The following GSG1 variants were observed in gnomAD, a reference collection of about 807,000 sequenced individuals.
GSG1 encodes the protein germ cell associated 1, also known as germ cell-specific gene 1 protein.
A neutral mutation model predicts 30.8 loss-of-function variants in GSG1; 28 were observed. The observed-to-expected ratio is 0.91, with a 90% CI of 0.67 to 1.25. The LOEUF is 1.25. GSG1 is among the 50% of genes most tolerant of loss of function. The pLI, the probability that GSG1 is intolerant of heterozygous loss-of-function variation, is 0.00. For synonymous variants in GSG1, 162 were observed against 178.0 expected (o/e 0.91, Z 0.71); for missense variants, 435 against 444.7 (o/e 0.98, Z 0.20).
At chr12:13,099,966 CT>C (rs1156397087) in intron 1 of GSG1, among the ~76,000 whole-genome samples, 1 of 152,224 alleles carries the variant, frequency 6.6e-6, no homozygotes, top group African/African-American at 2.4e-5. Flanking sequence ...ATGCATGCCC[CT>C]GGCCCTGTTC....
At chr12:13,089,144 A>G (rs1279814165) in intron 3 of GSG1, 64 bp downstream of exon 3, 8 of 1,481,472 alleles carry the variant, frequency 5.4e-6, no homozygotes, top group Non-Finnish European at 7.4e-6. Context: ...GAGAGCACCT[A>G]CATAGCTTAG....
intron 1 of GSG1, among the ~76,000 whole-genome samples, chr12:13,092,070 C>A (rs1866198856): frequency 1.3e-5 from 2 of 152,160 alleles, no homozygotes. Context: ...GCATGATATG[C>A]AGCAATACAC....
chr12:13,085,071 G>C lies in GSG1; in HGVS notation c.919C>G (p.Pro307Ala), dbSNP rs1006634239. Residue 307 changes from proline to alanine, a missense_variant, in exon 7 of 7, where the codon CCC (proline) becomes GCC (alanine). Coordinates refer to ENST00000651961, the MANE Select transcript of GSG1 (RefSeq NM_001080555.4). ...TAGCTGGTCAAAGGACCCACGGTGG[G>C]GGCTGCACTTGACAGCCGCCGAGGG... The part of the protein sequence containing the change: ...CFPRRLSSAA[P>A]TVGPLTSYHQ... 3 of 1,610,378 alleles carry C rather than the reference G, an allele frequency of 1.9e-6. No homozygotes were observed. Among genetic ancestry groups the C allele is most frequent in the Non-Finnish European group, 2.5e-6 (3 of 1,178,232 alleles).
intron 3 of GSG1, 121 bp downstream of exon 3, chr12:13,089,087 G>T: frequency 7.7e-7 from 1 of 1,301,332 alleles, no homozygotes; most frequent in Non-Finnish European, 1.1e-6. Flanking sequence ...AGTCAGCCCA[G>T]GTGAATTTCT....
chr12:13,097,132 A>G (rs1278316528), intron 1 of GSG1, among the ~76,000 whole-genome samples: 1 of 152,074 alleles, frequency 6.6e-6, no homozygotes, highest in Non-Finnish European at 1.5e-5. Context: ...CAATGTTGAA[A>G]GAGATTCTGC....
rs375132927 is a variant in GSG1, at chr12:13,084,800, A to G, written c.*101T>C. ...ATTCATAGCCTTATTCGTAGCCTCTAAAAACCATGCTCAAGAGACGGATGT... is the reference window on the plus strand; with the variant it reads ...ATTCATAGCCTTATTCGTAGCCTCTGAAAACCATGCTCAAGAGACGGATGT... On this transcript the variant is annotated 3_prime_UTR_variant, in exon 7 of 7. Transcript: ENST00000651961. The G allele has an allele frequency of 8.6e-5, 68 of 789,432 alleles. No homozygotes were observed. The African/African-American group carries it at 1.0e-3, about 12-fold the overall frequency. The allele number at this position is 789,432 out of a possible 1,614,324, so 48.9% of individuals were successfully genotyped here. A position where few individuals can be genotyped will look rare whatever the true frequency, so the allele number is the denominator to read the frequency against.
In GSG1 at chr12:13,090,677, C is replaced by G; in HGVS notation, c.190G>C (p.Glu64Gln). 6.2e-7 allele frequency: 1 copy of G among 1,614,214 alleles called. No individual in the cohort carries two copies. The highest frequency in any genetic ancestry group is 8.5e-7 in the Non-Finnish European group (1 of 1,180,042). The change falls in exon 2 of 7, where the codon GAG (glutamate) becomes CAG (glutamine). Residue 64 changes from glutamate (E) to glutamine (Q), a missense_variant. Transcript: ENST00000651961. ...GTQKVPKPLC[E>Q]KGLAAKCFDM... ...AAGCACTTGGCTGCCAGACCTTTCT[C>G]GCACAGGGGCTTGGGCACCTTCTGT...
In GSG1 at chr12:13,084,592, C is replaced by T. The variant is rs781492814; in HGVS notation, c.*309G>A. On this transcript the variant is annotated 3_prime_UTR_variant, in exon 7 of 7. Transcript: ENST00000651961. The stretch of plus-strand genomic sequence containing the variant: ...ACTAGATGTATCAGATCCTTAAGGT[C>T]GGGAAGTGTATTTTACTCTTCTTTT... 1.9e-5 allele frequency: 4 copies of T among 213,942 alleles called. No homozygotes were observed. Among genetic ancestry groups the T allele is most frequent in the South Asian group, 1.4e-4 (1 of 7,350 alleles). 13.3% of individuals were successfully genotyped at this position (213,942 alleles called of 1,614,324 possible). A position where few individuals can be genotyped will look rare whatever the true frequency, so the allele number is the denominator to read the frequency against.
chr12:13,090,183 T>C (rs1865940813), intron 2 of GSG1, among the ~76,000 whole-genome samples: 1 of 152,250 alleles, frequency 6.6e-6, no homozygotes, highest in Non-Finnish European at 1.5e-5. Flanking sequence ...ATTCTCATAA[T>C]GTGAAAGGTC....
At chr12:13,102,145 G>A (rs1167907119) in intron 1 of GSG1, among the ~76,000 whole-genome samples, 2 of 152,142 alleles carry the variant, frequency 1.3e-5, no homozygotes, top group African/African-American at 4.8e-5. Flanking sequence ...CGATTCGGAG[G>A]GTTTGACTTG....
chr12:13,088,939 G>GCTA, intron 3 of GSG1, 30 bp from the exon 4 acceptor site: 1 of 1,612,644 alleles, frequency 6.2e-7, no homozygotes, highest in Non-Finnish European at 8.5e-7. Flanking sequence ...ACGTCATGGA[G>GCTA]CTACTCCCTG....
chr12:13,085,338 T>A (rs1037681935), intron 6 of GSG1, 95 bp from the exon 7 acceptor site: 5 of 1,147,052 alleles, frequency 4.4e-6, no homozygotes, highest in Admixed American at 2.7e-5. Flanking sequence ...ACTAGCTTAT[T>A]GCCTTGTAGG....
chr12:13,097,842 G>T (rs1862848606), intron 1 of GSG1, among the ~76,000 whole-genome samples: 1 of 152,106 alleles, frequency 6.6e-6, no homozygotes, highest in African/African-American at 2.4e-5. Flanking sequence ...CCCTCTTCCA[G>T]ACTAGCCATG....
At chr12:13,098,818 T>C (rs1862942120) in intron 1 of GSG1, among the ~76,000 whole-genome samples, 1 of 152,138 alleles carries the variant, frequency 6.6e-6, no homozygotes, top group African/African-American at 2.4e-5. Flanking sequence ...AAGTTCGCCT[T>C]CTCCAGGGAA....
rs919612080 is a variant in GSG1 at position 13,093,995 on chromosome 12, C to T, written c.49-3177G>A. On this transcript the variant is annotated intron_variant, in intron 1 of 6. Coordinates refer to ENST00000651961, the MANE Select transcript of GSG1 (RefSeq NM_001080555.4). This position sits in a 1 kb window ranked among gnomAD's most constrained non-coding sequence, Gnocchi z 4.6. ...TACAGTTATATTAATGCACATGGAA[C>T]AGAAAAGAAGCCCATGGTTAGTTGC... Among the ~76,000 whole-genome samples the T allele has an allele frequency of 4.6e-5, 7 of 152,206 alleles. No homozygotes were observed. The highest frequency in any genetic ancestry group is 1.0e-4 in the Non-Finnish European group (7 of 68,040).
intron 1 of GSG1, among the ~76,000 whole-genome samples, chr12:13,091,647 T>C (rs546414334): frequency 6.6e-6 from 1 of 152,322 alleles, no homozygotes; most frequent in South Asian, 2.1e-4. Context: ...GAGGCTGCAG[T>C]GAGCCACGAT....
chr12:13,098,216 A>C (rs1387484705), intron 1 of GSG1, among the ~76,000 whole-genome samples: 1 of 150,376 alleles, frequency 6.6e-6, no homozygotes. Context: ...GGGTGGCGCT[A>C]TCTCCTCGTC....
At chr12:13,089,964 G>A (rs1334174264) in intron 2 of GSG1, among the ~76,000 whole-genome samples, 2 of 152,128 alleles carry the variant, frequency 1.3e-5, no homozygotes, top group East Asian at 1.9e-4. Flanking sequence ...CAATAGAATC[G>A]CTTGAACCTG....
intron 1 of GSG1, among the ~76,000 whole-genome samples, chr12:13,099,910 G>A (rs139432593): frequency 6.6e-6 from 1 of 152,292 alleles, no homozygotes; most frequent in East Asian, 1.9e-4. Context: ...GTAGACAAAG[G>A]CTGGAGTGGG....
Sources: gnomAD v4.1 joint callset for allele counts (sites outside exome capture counted in the v4.1 genomes callset) on GRCh38, gnomAD v4.1.1 for gene constraint, Gnocchi (gnomAD v3.1) non-coding constraint, MANE v1.5 for transcripts, NCBI Gene and HGNC (gene_info 2026-07-23, HGNC 2026-07-21) for gene names.